Variants in EYS observed in about 807,000 individuals in gnomAD.
The protein encoded by EYS is EGF-like photoreceptor maintenance factor, also known as protein eyes shut homolog.
EYS carries 250 observed loss-of-function variants against 282.1 expected under a neutral mutation model. The ratio of observed to expected loss-of-function variants is 0.89; its 90% CI spans 0.80 to 0.98. The LOEUF is 0.98. Among genes scored for constraint, EYS ranks in the 50% least tolerant of loss-of-function variants. The pLI, the probability that EYS is intolerant of heterozygous loss-of-function variation, is 0.00. For missense variants in EYS, 4,016 were observed against 3,709.0 expected, an observed-to-expected ratio of 1.08 and a Z score of -2.15; for synonymous variants, 1,355 against 1,282.9, an observed-to-expected ratio of 1.06 and a Z score of -1.20.
At chr6:63,836,343 A>G (rs1214387677) in intron 36 of EYS, among the ~76,000 whole-genome samples, 2 of 152,052 alleles carry the variant, frequency 1.3e-5, no homozygotes, top group African/African-American at 4.8e-5. Flanking sequence ...TACCAAAAAA[A>G]TTTGGTAAAA....
At chr6:64,029,209 T>A (rs541495897) in intron 33 of EYS, among the ~76,000 whole-genome samples, 28 of 152,152 alleles carry the variant, frequency 1.8e-4, no homozygotes, top group Non-Finnish European at 3.5e-4. Context: ...TCTTTATATG[T>A]CACAGAGAGA....
intron 2 of EYS, among the ~76,000 whole-genome samples, chr6:65,500,172 G>A (rs1417417732): frequency 6.6e-6 from 1 of 151,914 alleles, no homozygotes; most frequent in Non-Finnish European, 1.5e-5. Flanking sequence ...CACACACCCA[G>A]TTAGGCTTCT....
chr6:64,346,253 G>A (rs1229097217), intron 29 of EYS, among the ~76,000 whole-genome samples: 4 of 151,954 alleles, frequency 2.6e-5, no homozygotes, highest in Admixed American at 1.3e-4. Context: ...ACATGCATAC[G>A]TATGTTTATT....
intron 28 of EYS, among the ~76,000 whole-genome samples, chr6:64,408,103 T>A (rs1395675256): frequency 1.3e-5 from 2 of 152,068 alleles, no homozygotes; most frequent in Non-Finnish European, 2.9e-5. Flanking sequence ...TTATTTCTCC[T>A]TATTCTGCTC....
intron 35 of EYS, among the ~76,000 whole-genome samples, chr6:63,963,099 G>T (rs935037375): frequency 2.7e-5 from 4 of 148,460 alleles, no homozygotes; most frequent in Non-Finnish European, 6.0e-5. Context: ...TCACACACAG[G>T]GGCCTGTTGT....
intron 7 of EYS, among the ~76,000 whole-genome samples, chr6:65,385,020 C>A (rs2150352299): frequency 6.6e-6 from 1 of 151,908 alleles, no homozygotes; most frequent in South Asian, 2.1e-4. Context: ...ATATTCCAGT[C>A]TACTGTATTT....
intron 29 of EYS, among the ~76,000 whole-genome samples, chr6:64,383,236 G>C (rs1193266434): frequency 6.6e-6 from 1 of 152,224 alleles, no homozygotes; most frequent in Non-Finnish European, 1.5e-5. Flanking sequence ...AGGAGGTCGA[G>C]GCTGCAGTGA....
intron 12 of EYS, among the ~76,000 whole-genome samples, chr6:65,182,722 T>G: frequency 6.6e-6 from 1 of 151,944 alleles, no homozygotes; most frequent in East Asian, 1.9e-4. Context: ...TCTGTTTACT[T>G]CTTTTATACT....
chr6:63,797,806 T>A (rs1363595350), intron 37 of EYS: 1 of 152,252 alleles, frequency 6.6e-6, no homozygotes, highest in Non-Finnish European at 1.5e-5. Flanking sequence ...GACTTCCATC[T>A]GTGCTAGTGA....
intron 22 of EYS, among the ~76,000 whole-genome samples, chr6:64,775,928 G>A (rs1443398217): frequency 6.6e-6 from 1 of 151,982 alleles, no homozygotes; most frequent in Non-Finnish European, 1.5e-5. Flanking sequence ...CAGTAATGAT[G>A]ATGCTTCAAA....
intron 12 of EYS, among the ~76,000 whole-genome samples, chr6:65,221,486 GT>G (rs1246592412): frequency 6.6e-6 from 1 of 152,222 alleles, no homozygotes; most frequent in Non-Finnish European, 1.5e-5. Context: ...CTTACACATG[GT>G]TTTGGGCCTG....
intron 29 of EYS, among the ~76,000 whole-genome samples, chr6:64,329,835 G>A (rs1272070722): frequency 1.3e-5 from 2 of 152,166 alleles, no homozygotes; most frequent in African/African-American, 2.4e-5. Context: ...ATATGCCATT[G>A]TGTCCAACCC....
At chr6:64,511,809 AC>A (rs1777411413) in intron 26 of EYS, among the ~76,000 whole-genome samples, 1 of 138,200 alleles carries the variant, frequency 7.2e-6, no homozygotes, top group African/African-American at 2.6e-5. Flanking sequence ...GCCATTAGAT[AC>A]TAAATTTTGG....
chr6:64,698,052 A>G (rs1215278053), intron 22 of EYS, among the ~76,000 whole-genome samples: 1 of 152,182 alleles, frequency 6.6e-6, no homozygotes, highest in Non-Finnish European at 1.5e-5. Flanking sequence ...TTGAAACTAT[A>G]AAAATACATG....
intron 2 of EYS, among the ~76,000 whole-genome samples, chr6:65,544,485 T>A (rs1262763937): frequency 6.6e-6 from 1 of 152,092 alleles, no homozygotes; most frequent in Non-Finnish European, 1.5e-5. Context: ...TTATCATAGA[T>A]CTGATGGTTT....
chr6:65,096,438 C>G (rs943851189), intron 12 of EYS, among the ~76,000 whole-genome samples: 11 of 150,596 alleles, frequency 7.3e-5, no homozygotes, highest in African/African-American at 2.2e-4. Context: ...TCTACAGATT[C>G]AGTGAAATCC....
At chr6:64,069,043 G>A (rs951089313) in intron 32 of EYS, among the ~76,000 whole-genome samples, 6 of 151,998 alleles carry the variant, frequency 3.9e-5, no homozygotes, top group Admixed American at 1.3e-4. Flanking sequence ...CTGGAGTGAT[G>A]CAGCCACAAG....
intron 12 of EYS, among the ~76,000 whole-genome samples, chr6:65,144,621 TTC>T (rs1440277273): frequency 1.3e-5 from 2 of 152,146 alleles, no homozygotes; most frequent in African/African-American, 2.4e-5. Flanking sequence ...TCTTACTTTT[TTC>T]TCTGTCTCCA....
intron 31 of EYS, among the ~76,000 whole-genome samples, chr6:64,097,642 G>T (rs1772675910): frequency 6.6e-6 from 1 of 152,154 alleles, no homozygotes; most frequent in Non-Finnish European, 1.5e-5. Context: ...TTTTCCAGGT[G>T]CCATCTGTCA....
Sources: allele counts gnomAD v4.1 joint callset (sites outside exome capture counted in the v4.1 genomes callset), GRCh38; gene constraint gnomAD v4.1.1; transcripts MANE v1.5; gene names NCBI Gene and HGNC (gene_info 2026-07-23, HGNC 2026-07-21).